SCHIP1: variants seen among roughly 807,000 people sequenced by gnomAD.
SCHIP1 encodes schwannomin interacting protein 1, also known as schwannomin-interacting protein 1.
In SCHIP1, 8 loss-of-function variants were observed where a neutral mutation model predicts 29.7. That is an observed-to-expected ratio of 0.27 (90% CI 0.16 to 0.49). The LOEUF (loss-of-function observed/expected upper bound fraction) is 0.49. Ranked by LOEUF, SCHIP1 falls within the 20% of genes least tolerant of loss-of-function variation. The pLI is 0.99. For synonymous variants in SCHIP1, 76 were observed against 94.9 expected (o/e 0.80, Z 1.16); for missense variants, 193 against 294.6 (o/e 0.66, Z 2.52).
At chr3:159,559,911 T>C in the SCHIP1 span, among the ~76,000 whole-genome samples, 1 of 152,336 alleles carries the variant, frequency 6.6e-6, no homozygotes, top group Non-Finnish European at 1.5e-5. Flanking sequence ...GTTAACATTC[T>C]TAAATGACTG....
chr3:159,720,502 A>T, the SCHIP1 span, among the ~76,000 whole-genome samples: 3 of 152,138 alleles, frequency 2.0e-5, no homozygotes, highest in African/African-American at 7.2e-5. Context: ...ATAGCAAAAA[A>T]TTTAAATTTA....
At chr3:159,335,074 AT>A in the SCHIP1 span, among the ~76,000 whole-genome samples, 4 of 151,744 alleles carry the variant, frequency 2.6e-5, no homozygotes, top group African/African-American at 9.7e-5. Flanking sequence ...TAATTTTTAT[AT>A]TTTTAGTAGA....
At chr3:159,661,049 C>T in the SCHIP1 span, among the ~76,000 whole-genome samples, 1 of 152,232 alleles carries the variant, frequency 6.6e-6, no homozygotes, top group African/African-American at 2.4e-5. Flanking sequence ...GGTCTCAGCC[C>T]AGTGGGTGAG....
At chr3:159,895,881 A>G (rs1440349237) in intron 6 of SCHIP1, among the ~76,000 whole-genome samples, 2 of 152,152 alleles carry the variant, frequency 1.3e-5, no homozygotes, top group Non-Finnish European at 2.9e-5. Flanking sequence ...TTTTTAGTAA[A>G]GGCAGGGTTT....
chr3:159,818,557 C>A, the SCHIP1 span, among the ~76,000 whole-genome samples: 2 of 152,260 alleles, frequency 1.3e-5, no homozygotes, highest in Non-Finnish European at 2.9e-5. Context: ...CGCAGCAGAG[C>A]CTTTGTGTGA....
At chr3:159,590,979 C>T in the SCHIP1 span, among the ~76,000 whole-genome samples, 1 of 152,080 alleles carries the variant, frequency 6.6e-6, no homozygotes, top group Non-Finnish European at 1.5e-5. Flanking sequence ...TCTTACTTTC[C>T]TTGCATACTT....
the SCHIP1 span, among the ~76,000 whole-genome samples, chr3:159,725,288 A>G: frequency 7.2e-5 from 9 of 124,484 alleles, no homozygotes; most frequent in Non-Finnish European, 1.5e-4. Context: ...TTTTTTTTTT[A>G]AGACAGAATC....
chr3:159,506,886 G>C, the SCHIP1 span, among the ~76,000 whole-genome samples: 4 of 152,314 alleles, frequency 2.6e-5, no homozygotes, highest in African/African-American at 7.2e-5. Context: ...AACATAGTTT[G>C]AAGTCAGGTA....
the SCHIP1 span, among the ~76,000 whole-genome samples, chr3:159,392,423 C>G: frequency 1.3e-5 from 2 of 152,000 alleles, no homozygotes; most frequent in South Asian, 2.1e-4. Context: ...AACTCGTCAT[C>G]TAGCATTAGG....
chr3:159,323,278 G>T, the SCHIP1 span, among the ~76,000 whole-genome samples: 1 of 152,078 alleles, frequency 6.6e-6, no homozygotes, highest in African/African-American at 2.4e-5. Context: ...AAAGCCAAAA[G>T]AAATAAATGA....
chr3:159,548,956 T>C, the SCHIP1 span, among the ~76,000 whole-genome samples: 1 of 152,126 alleles, frequency 6.6e-6, no homozygotes, highest in South Asian at 2.1e-4. Context: ...GAAATTTGAG[T>C]TATATCCTGG....
the SCHIP1 span, among the ~76,000 whole-genome samples, chr3:159,420,197 T>C: frequency 9.2e-5 from 14 of 152,274 alleles, no homozygotes; most frequent in East Asian, 1.7e-3. Flanking sequence ...AGACACTATA[T>C]AAATGCTTCA....
chr3:159,440,118 A>T, the SCHIP1 span, among the ~76,000 whole-genome samples: 1 of 152,154 alleles, frequency 6.6e-6, no homozygotes, highest in African/African-American at 2.4e-5. Context: ...TTTTCTGCAT[A>T]TGGCTAGCTA....
chr3:159,540,824 C>T, the SCHIP1 span, among the ~76,000 whole-genome samples: 1 of 152,164 alleles, frequency 6.6e-6, no homozygotes, highest in East Asian at 1.9e-4. Flanking sequence ...AGGCATGCAA[C>T]AGCTTTAAGT....
the SCHIP1 span, chr3:159,764,747 G>T: frequency 1.3e-6 from 2 of 1,573,028 alleles, no homozygotes; most frequent in African/African-American, 1.4e-5. This position sits in a 1 kb window ranked among gnomAD's most constrained non-coding sequence, Gnocchi z 6.1. Context: ...CGGGAACCGG[G>T]GGACGTAAGC....
the SCHIP1 span, among the ~76,000 whole-genome samples, chr3:159,638,494 A>G: frequency 6.6e-6 from 1 of 152,100 alleles, no homozygotes; most frequent in Non-Finnish European, 1.5e-5. Flanking sequence ...CTGCTCATTC[A>G]ACTACATCAC....
At chr3:159,634,807 C>A in the SCHIP1 span, among the ~76,000 whole-genome samples, 170 of 152,300 alleles carry the variant, frequency 1.1e-3, no homozygotes, top group Non-Finnish European at 2.1e-3. Context: ...GTTTTCCCCC[C>A]CTTTTCCTTT....
the SCHIP1 span, among the ~76,000 whole-genome samples, chr3:159,706,206 T>A: frequency 5.3e-5 from 8 of 152,136 alleles, no homozygotes; most frequent in Admixed American, 5.2e-4. Context: ...TTCACCTGTA[T>A]CTCAAGACTT....
intron 1 of SCHIP1, among the ~76,000 whole-genome samples, chr3:159,857,780 G>T (rs1056658509): frequency 6.6e-6 from 1 of 151,960 alleles, no homozygotes; most frequent in African/African-American, 2.4e-5. Flanking sequence ...CAGGCACTGC[G>T]CCAAGCACTT....
Sources: allele counts gnomAD v4.1 joint callset (sites outside exome capture counted in the v4.1 genomes callset), GRCh38; gene constraint gnomAD v4.1.1; non-coding constraint Gnocchi (gnomAD v3.1); transcripts MANE v1.5; gene names NCBI Gene and HGNC (gene_info 2026-07-23, HGNC 2026-07-21).